HDAC9: variants seen among roughly 807,000 people sequenced by gnomAD.
The protein encoded by HDAC9 is MEF-2 interacting transcription repressor (MITR) protein.
Under a neutral mutation model 139.4 loss-of-function variants are expected in HDAC9, and 41 were observed. That is an observed-to-expected ratio of 0.29 (90% CI 0.23 to 0.38). The LOEUF is 0.38. HDAC9 is among the 10% of genes least tolerant of loss of function. HDAC9 has a pLI of 1.00. For synonymous variants in HDAC9, 517 were observed against 476.2 expected (o/e 1.09, Z -1.12); for missense variants, 1,147 against 1,297.0 (o/e 0.88, Z 1.78).
rs1281993021 is a variant in HDAC9 at position 19,000,403 on chromosome 7, G to A, written c.*4341G>A. The stretch of plus-strand genomic sequence containing the variant: ...GCTTTTACTCCATGAAACGCTTCAT[G>A]AAGCAGAGCATGATTGTCAAGTGAC... On this transcript the variant is annotated 3_prime_UTR_variant, in exon 26 of 26. Coordinates refer to ENST00000686413, the MANE Select transcript of HDAC9 (RefSeq NM_178425.4). 6.6e-6 allele frequency: 1 copy of A among 152,188 alleles called. No homozygotes were observed. Among genetic ancestry groups the A allele is most frequent in the Non-Finnish European group, 1.5e-5 (1 of 68,020 alleles). The allele number at this position is 152,188 out of a possible 1,614,324, so 9.4% of individuals were successfully genotyped here. A position where few individuals can be genotyped will look rare whatever the true frequency, so the allele number is the denominator to read the frequency against.
chr7:18,603,232 C>T (rs1017841136), intron 6 of HDAC9, among the ~76,000 whole-genome samples: 17 of 151,882 alleles, frequency 1.1e-4, no homozygotes, highest in African/African-American at 4.1e-4. Flanking sequence ...GTAGTTAGAA[C>T]GTCTTGTTTT....
At chr7:18,260,912 G>A (rs945423843) in intron 2 of HDAC9, among the ~76,000 whole-genome samples, 1 of 152,176 alleles carries the variant, frequency 6.6e-6, no homozygotes, top group South Asian at 2.1e-4. Flanking sequence ...TGTGTATGGA[G>A]AAGGTAACAG....
At chr7:18,775,934 TTTTG>T (rs1038064845) in intron 16 of HDAC9, among the ~76,000 whole-genome samples, 2 of 151,996 alleles carry the variant, frequency 1.3e-5, no homozygotes, top group East Asian at 1.9e-4. Context: ...GCATCCAATT[TTTTG>T]TTTGTTTGTT....
chr7:18,747,510 A>G (rs1458974112), intron 13 of HDAC9, among the ~76,000 whole-genome samples: 1 of 152,182 alleles, frequency 6.6e-6, no homozygotes, highest in Non-Finnish European at 1.5e-5. Context: ...TCTTTTGTAA[A>G]CATGGGTAAT....
chr7:18,806,178 C>T (rs1272204338), intron 17 of HDAC9, among the ~76,000 whole-genome samples: 1 of 152,206 alleles, frequency 6.6e-6, no homozygotes, highest in African/African-American at 2.4e-5. Flanking sequence ...AATCCCACTT[C>T]CATTTCACCC....
intron 1 of HDAC9, chr7:18,162,199 C>A (rs1460463183): frequency 2.4e-6 from 2 of 817,552 alleles, no homozygotes; most frequent in Non-Finnish European, 4.0e-6. Context: ...TAGCTTGTAT[C>A]TTAAACACTG....
chr7:18,786,331 T>C (rs1562940270), intron 16 of HDAC9, among the ~76,000 whole-genome samples: 1 of 152,134 alleles, frequency 6.6e-6, no homozygotes, highest in East Asian at 1.9e-4. Context: ...CTTTATCCTC[T>C]TGTAGTCCCT....
intron 1 of HDAC9, among the ~76,000 whole-genome samples, chr7:18,439,774 C>G (rs546038274): frequency 9.2e-5 from 14 of 152,128 alleles, no homozygotes; most frequent in African/African-American, 3.1e-4. Context: ...ATCTCTTTCT[C>G]GCTCTTCATA....
chr7:18,587,555 A>G (rs1440194609), intron 3 of HDAC9, among the ~76,000 whole-genome samples: 1 of 152,202 alleles, frequency 6.6e-6, no homozygotes, highest in Non-Finnish European at 1.5e-5. Context: ...CTTTATTTAT[A>G]TTAGCTTTTT....
At chr7:18,660,446 C>T (rs1792754608) in intron 11 of HDAC9, among the ~76,000 whole-genome samples, 1 of 152,026 alleles carries the variant, frequency 6.6e-6, no homozygotes, top group African/African-American at 2.4e-5. Flanking sequence ...GAAAAAGTGT[C>T]AAAGCATTGT....
intron 2 of HDAC9, among the ~76,000 whole-genome samples, chr7:18,552,473 A>G (rs897025200): frequency 2.0e-5 from 3 of 152,120 alleles, no homozygotes; most frequent in African/African-American, 7.2e-5. Context: ...AATGAAATGG[A>G]CTGCTGAGAA....
chr7:18,205,091 A>G (rs982873049), intron 2 of HDAC9, among the ~76,000 whole-genome samples: 3 of 151,958 alleles, frequency 2.0e-5, no homozygotes, highest in African/African-American at 7.2e-5. Context: ...ATGATAGTAT[A>G]TGGCATACAT....
At chr7:18,864,536 C>A (rs980005784) in intron 21 of HDAC9, among the ~76,000 whole-genome samples, 1 of 151,622 alleles carries the variant, frequency 6.6e-6, no homozygotes, top group Non-Finnish European at 1.5e-5. Flanking sequence ...AACATTGTAC[C>A]TACAGGTAAC....
intron 2 of HDAC9, among the ~76,000 whole-genome samples, chr7:18,531,815 C>T (rs200359588): frequency 1.3e-5 from 2 of 151,778 alleles, no homozygotes; most frequent in Non-Finnish European, 2.9e-5. Flanking sequence ...AACTCCATTT[C>T]AATGCAAACA....
intron 16 of HDAC9, among the ~76,000 whole-genome samples, chr7:18,790,551 C>T (rs1585042649): frequency 6.6e-6 from 1 of 152,090 alleles, no homozygotes; most frequent in African/African-American, 2.4e-5. Context: ...AGCTACCTAC[C>T]CCTTGGTATT....
intron 22 of HDAC9, among the ~76,000 whole-genome samples, chr7:18,895,053 G>C (rs1801054584): frequency 6.6e-6 from 1 of 152,110 alleles, no homozygotes; most frequent in African/African-American, 2.4e-5. Flanking sequence ...AAACATGAGA[G>C]AAGGTATGGC....
At chr7:18,461,905 C>T (rs1014635818) in intron 1 of HDAC9, among the ~76,000 whole-genome samples, 1 of 152,066 alleles carries the variant, frequency 6.6e-6, no homozygotes, top group Non-Finnish European at 1.5e-5. Context: ...AGACATTCAG[C>T]TAGACAGCTG....
At chr7:18,642,755 A>T (rs987052108) in intron 8 of HDAC9, among the ~76,000 whole-genome samples, 1 of 152,080 alleles carries the variant, frequency 6.6e-6, no homozygotes, top group Non-Finnish European at 1.5e-5. Context: ...TGCTGCCATT[A>T]TTACGTCTGA....
At chr7:18,199,485 T>C (rs1790953153) in intron 2 of HDAC9, among the ~76,000 whole-genome samples, 1 of 152,070 alleles carries the variant, frequency 6.6e-6, no homozygotes, top group East Asian at 1.9e-4. Context: ...TGCAATCTGA[T>C]AGATAAGAGA....
Sources: allele counts gnomAD v4.1 joint callset (sites outside exome capture counted in the v4.1 genomes callset), GRCh38; gene constraint gnomAD v4.1.1; transcripts MANE v1.5; gene names NCBI Gene and HGNC (gene_info 2026-07-23, HGNC 2026-07-21).